Variants in PTGIR observed in about 807,000 individuals in gnomAD.
PTGIR encodes the protein prostaglandin I2 receptor, also known as prostacyclin receptor.
A neutral mutation model predicts 17.6 loss-of-function variants in PTGIR; 16 were observed. That is an observed-to-expected ratio of 0.91 (90% CI 0.61 to 1.38). The LOEUF (loss-of-function observed/expected upper bound fraction) is 1.38. Among genes scored for constraint, PTGIR ranks in the 40% most tolerant of loss-of-function variants. The pLI, the probability that PTGIR is intolerant of heterozygous loss-of-function variation, is 0.00. For synonymous variants in PTGIR, 274 were observed against 255.4 expected, an observed-to-expected ratio of 1.07 and a Z score of -0.69; for missense variants, 532 against 548.6, an observed-to-expected ratio of 0.97 and a Z score of 0.30.
rs1441696809 is a variant in PTGIR at position 46,624,088 on chromosome 19, G to A, written c.138C>T (p.Pro46=). 9 of 1,540,638 alleles carry A rather than the reference G, an allele frequency of 5.8e-6. No homozygotes were observed. Among genetic ancestry groups the A allele is most frequent in the African/African-American group, 1.4e-5 (1 of 73,030 alleles). Residue 46 remains proline, a synonymous_variant, in exon 2 of 3, where the codon CCC becomes CCT. Coordinates refer to ENST00000291294, the MANE Select transcript of PTGIR (RefSeq NM_000960.4). The part of the protein sequence containing the change: ...GILSARRPAR[P]SAFAVLVTGL... Reference sequence around the variant, plus strand: ...CGGTCACCAGCACCGCGAAGGCCGAGGGGCGCGCCGGTCGCCGTGCGCTCA... The same window carrying A: ...CGGTCACCAGCACCGCGAAGGCCGAAGGGCGCGCCGGTCGCCGTGCGCTCA...
the PTGIR span, among the ~76,000 whole-genome samples, chr19:46,614,206 C>T: frequency 2.6e-5 from 4 of 152,168 alleles, no homozygotes; most frequent in African/African-American, 9.7e-5. Context: ...GATGCCCAAC[C>T]AGGGCCGCCT....
the PTGIR span, among the ~76,000 whole-genome samples, chr19:46,612,670 C>A: frequency 1.3e-5 from 2 of 152,178 alleles, no homozygotes; most frequent in East Asian, 1.9e-4. Flanking sequence ...TTCAGGCAGG[C>A]CAGAGCCAGA....
At chr19:46,615,501 C>G (rs927030453), downstream of PTGIR, among the ~76,000 whole-genome samples, 1 of 152,094 alleles carries the variant, frequency 6.6e-6, no homozygotes, top group Non-Finnish European at 1.5e-5. Flanking sequence ...ATCTGAGCTG[C>G]TTATTATAAA....
chr19:46,615,319 A>G, the PTGIR span, among the ~76,000 whole-genome samples: 1 of 152,260 alleles, frequency 6.6e-6, no homozygotes, highest in Admixed American at 6.5e-5. Flanking sequence ...AGGAGGACGT[A>G]TGTAGGTTAT....
chr19:46,623,964 C>T lies in PTGIR; in HGVS notation c.262G>A (p.Gly88Ser), dbSNP rs745862810. 2 of 1,577,312 alleles carry T rather than the reference C, an allele frequency of 1.3e-6. No homozygotes were observed. Among genetic ancestry groups the T allele is most frequent in the Admixed American group, 1.8e-5 (1 of 55,416 alleles). The change falls in exon 2 of 3, where the codon GGC becomes AGC. Residue 88 changes from glycine to serine, a missense_variant. Coordinates refer to ENST00000291294, the MANE Select transcript of PTGIR (RefSeq NM_000960.4). Reference sequence around the variant, plus strand: ...GCGAAGGCATCGCACAGGGCGGGGCCGCCTCGGGCCAGGCCCAGCAGGGAG... The same window carrying T: ...GCGAAGGCATCGCACAGGGCGGGGCTGCCTCGGGCCAGGCCCAGCAGGGAG... ...NSSLLGLARG[G>S]PALCDAFAFA...
chr19:46,614,376 G>A, the PTGIR span: 2 of 985,244 alleles, frequency 2.0e-6, no homozygotes, highest in Non-Finnish European at 2.4e-6. Context: ...AAATCTGTGT[G>A]CGCCGGTGTT....
chr19:46,619,659 AAAGAAAG>A (rs754408473), downstream of PTGIR, among the ~76,000 whole-genome samples: 1,018 of 111,044 alleles, frequency 9.2e-3, 7 homozygotes, highest in Non-Finnish European at 0.015. Flanking sequence ...GAAAGAAAAG[AAAGAAAG>A]AAAGAAAGAG....
chr19:46,611,545 A>G, the PTGIR span, among the ~76,000 whole-genome samples: 2 of 152,246 alleles, frequency 1.3e-5, no homozygotes, highest in Non-Finnish European at 2.9e-5. Context: ...ACAAACCACT[A>G]TGCGGTCACA....
In PTGIR at chr19:46,624,079, G is replaced by A. The variant is rs577122089; in HGVS notation, c.147C>T (p.Phe49=). 269 of 1,542,192 alleles carry A rather than the reference G, an allele frequency of 1.7e-4. No individual in the cohort carries two copies. The highest frequency in any genetic ancestry group is 2.2e-4 in the Non-Finnish European group (248 of 1,148,530). The change falls in exon 2 of 3, where the codon TTC becomes TTT. Residue 49 remains phenylalanine (F), a synonymous_variant. Transcript: ENST00000291294. ...CCGCCAGTCCGGTCACCAGCACCGC[G>A]AAGGCCGAGGGGCGCGCCGGTCGCC... The part of the protein sequence containing the change: ...SARRPARPSA[F]AVLVTGLAAT...
the PTGIR span, among the ~76,000 whole-genome samples, chr19:46,613,803 C>T: frequency 6.6e-6 from 1 of 152,106 alleles, no homozygotes; most frequent in Non-Finnish European, 1.5e-5. Flanking sequence ...GCCTCTTGCA[C>T]CACACTTACT....
Position 46,620,611 on chromosome 19 carries a change from A to G in PTGIR, c.*669T>C. The G allele has an allele frequency of 1.0e-6, 1 of 983,606 alleles. No homozygotes were observed. Among genetic ancestry groups the G allele is most frequent in the Non-Finnish European group, 1.2e-6 (1 of 829,498 alleles). The allele number at this position is 983,606 out of a possible 1,614,324, so 60.9% of individuals were successfully genotyped here. A position where few individuals can be genotyped will look rare whatever the true frequency, so the allele number is the denominator to read the frequency against. ...CTCCATCTGTCTCCCCACCACCTGC[A>G]CCCCCCCAGTTCTCATCTTGCAGCC... On this transcript the variant is annotated 3_prime_UTR_variant, in exon 3 of 3. Transcript: ENST00000291294.
At chr19:46,619,537 GAA>G (rs527454345), downstream of PTGIR, among the ~76,000 whole-genome samples, 61 of 58,128 alleles carry the variant, frequency 1.0e-3, no homozygotes, top group Non-Finnish European at 1.8e-3. Flanking sequence ...AAGAAAGAAA[GAA>G]AGAAAGAAAG....
At chr19:46,616,277 A>T (rs1256532222), downstream of PTGIR, among the ~76,000 whole-genome samples, 1 of 148,492 alleles carries the variant, frequency 6.7e-6, no homozygotes, top group Non-Finnish European at 1.5e-5. Context: ...GAGGCTTAGA[A>T]GGGAGGCATC....
Position 46,620,728 on chromosome 19 carries a change from G to T in PTGIR, c.*552C>A. The T allele has an allele frequency of 7.1e-6, 7 of 985,950 alleles. No homozygotes were observed. The highest frequency in any genetic ancestry group is 6.0e-6 in the Non-Finnish European group (5 of 829,994). 61.1% of individuals were successfully genotyped at this position (985,950 alleles called of 1,614,324 possible). A position where few individuals can be genotyped will look rare whatever the true frequency, so the allele number is the denominator to read the frequency against. On this transcript the variant is annotated 3_prime_UTR_variant, in exon 3 of 3. Coordinates refer to ENST00000291294, the MANE Select transcript of PTGIR (RefSeq NM_000960.4). The stretch of plus-strand genomic sequence containing the variant: ...AATGCAGCAGCCTCCCCTTCCTCCC[G>T]TTGCCCCTTTGGGATGCCAGGGCTC...
rs563881201 is a variant in PTGIR, at chr19:46,624,195, C to T, written c.31G>A (p.Val11Met). Reference protein sequence around the residue: MADSCRNLTYVRGSVGPATST... With the variant: MADSCRNLTYMRGSVGPATST... ...GTGGCCGGCCCCACCGAGCCCCGCACGTAGGTGAGGTTCCTGCACGAATCC... is the reference window on the plus strand; with the variant it reads ...GTGGCCGGCCCCACCGAGCCCCGCATGTAGGTGAGGTTCCTGCACGAATCC... Residue 11 changes from valine to methionine, a missense_variant, in exon 2 of 3, where the codon GTG becomes ATG. Val to Met is a conservative substitution (Grantham distance 21). Coordinates refer to ENST00000291294, the MANE Select transcript of PTGIR (RefSeq NM_000960.4). 3 of 1,470,458 alleles carry T rather than the reference C, an allele frequency of 2.0e-6. No homozygotes were observed. Among genetic ancestry groups the T allele is most frequent in the Admixed American group, 2.5e-5 (1 of 39,752 alleles). The allele number at this position is 1,470,458 out of a possible 1,614,324, so 91.1% of individuals were successfully genotyped here.
At chr19:46,622,191 C>A in intron 2 of PTGIR, 1 of 985,402 alleles carries the variant, frequency 1.0e-6, no homozygotes, top group African/African-American at 1.7e-5. Flanking sequence ...GAGTGGGTAC[C>A]AGGGTCTGTG....
chr19:46,611,587 T>C, the PTGIR span, among the ~76,000 whole-genome samples: 2 of 152,164 alleles, frequency 1.3e-5, no homozygotes, highest in African/African-American at 2.4e-5. Context: ...AGCTCAACTT[T>C]CTCGTGGCAA....
chr19:46,616,917 C>A (rs1971970913), downstream of PTGIR, among the ~76,000 whole-genome samples: 1 of 152,252 alleles, frequency 6.6e-6, no homozygotes, highest in South Asian at 2.1e-4. Flanking sequence ...CTTGCCATGG[C>A]AGGCTGTGGC....
the PTGIR span, among the ~76,000 whole-genome samples, chr19:46,615,027 C>T: frequency 7.9e-5 from 12 of 151,702 alleles, no homozygotes; most frequent in African/African-American, 2.9e-4. Context: ...CTGCCCCACC[C>T]CCCCAAAAAA....
Sources: gnomAD v4.1 joint callset for allele counts (sites outside exome capture counted in the v4.1 genomes callset) on GRCh38, gnomAD v4.1.1 for gene constraint, MANE v1.5 for transcripts, NCBI Gene and HGNC (gene_info 2026-07-23, HGNC 2026-07-21) for gene names.